Variants in PALLD observed in about 807,000 individuals in gnomAD.
PALLD encodes palladin.
PALLD carries 61 observed loss-of-function variants against 123.5 expected under a neutral mutation model. That is an observed-to-expected ratio of 0.49 (90% CI 0.40 to 0.61). PALLD has a LOEUF of 0.61. PALLD is among the 20% of genes least tolerant of loss of function. PALLD has a pLI of 0.00. For synonymous variants in PALLD, 465 were observed against 496.4 expected, an observed-to-expected ratio of 0.94 and a Z score of 0.84; for missense variants, 1,273 against 1,377.0, an observed-to-expected ratio of 0.92 and a Z score of 1.20.
At position 168,877,999 on chromosome 4, in the gene PALLD, G is replaced by A. The variant is rs2151116162; in HGVS notation, c.1965-12923G>A. The A allele has an allele frequency of 2.0e-6, 3 of 1,497,830 alleles. No homozygotes were observed. Among genetic ancestry groups the A allele is most frequent in the Middle Eastern group, 1.8e-4 (1 of 5,602 alleles). The allele number at this position is 1,497,830 out of a possible 1,614,324, so 92.8% of individuals were successfully genotyped here. A position where few individuals can be genotyped will look rare whatever the true frequency, so the allele number is the denominator to read the frequency against. On this transcript the variant is annotated intron_variant, in intron 10 of 21. Coordinates refer to ENST00000505667, the MANE Select transcript of PALLD (RefSeq NM_001166108.2). Reference sequence around the variant, plus strand: ...CCGCGCAGAACCTCGGGCCCGCGTCGGGCCACGGCACGCCGGCCTCCAGCC... The same window carrying A: ...CCGCGCAGAACCTCGGGCCCGCGTCAGGCCACGGCACGCCGGCCTCCAGCC...
At chr4:168,920,588 G>A (rs1582201038) in intron 17 of PALLD, among the ~76,000 whole-genome samples, 1 of 152,148 alleles carries the variant, frequency 6.6e-6, no homozygotes, top group East Asian at 1.9e-4. Context: ...GGCAGATGGC[G>A]ACCATCCTGA....
chr4:168,797,694 C>A (rs755819634), intron 10 of PALLD, among the ~76,000 whole-genome samples: 2 of 152,014 alleles, frequency 1.3e-5, no homozygotes, highest in African/African-American at 2.4e-5. Context: ...CATATGTTAC[C>A]TTGCAAGAAA....
intron 2 of PALLD, among the ~76,000 whole-genome samples, chr4:168,609,345 CAAAAAAA>C (rs5863949): frequency 5.6e-5 from 4 of 71,600 alleles, no homozygotes; most frequent in East Asian, 5.6e-4. Context: ...AAGCTGTTAC[CAAAAAAA>C]AAAAAAAAAA....
intron 2 of PALLD, among the ~76,000 whole-genome samples, chr4:168,522,039 C>T (rs10446840): frequency 0.084 from 12,814 of 152,158 alleles, 784 homozygotes; most frequent in Non-Finnish European, 0.12. Context: ...GAAGGTCAGC[C>T]GTACTGTGGA....
intron 10 of PALLD, among the ~76,000 whole-genome samples, chr4:168,754,753 CA>C (rs1457279280): frequency 6.6e-6 from 1 of 152,174 alleles, no homozygotes; most frequent in Non-Finnish European, 1.5e-5. Context: ...TACAGATGTT[CA>C]AAGAATGCCT....
intron 10 of PALLD, among the ~76,000 whole-genome samples, chr4:168,791,959 A>C (rs1443335512): frequency 6.6e-6 from 1 of 152,226 alleles, no homozygotes; most frequent in African/African-American, 2.4e-5. Context: ...AAGTTGTTTT[A>C]AAGGAGGAAC....
intron 2 of PALLD, among the ~76,000 whole-genome samples, chr4:168,538,857 C>A (rs1012848342): frequency 1.3e-5 from 2 of 152,192 alleles, no homozygotes; most frequent in Admixed American, 1.3e-4. Flanking sequence ...CTGTTACAGT[C>A]ATTGTGTCTT....
rs1207705957 is a variant in PALLD at position 168,918,979 on chromosome 4, G to GTAA, written c.2851-2553_2851-2551dup. On this transcript the variant is annotated intron_variant, in intron 17 of 21. Coordinates refer to ENST00000505667, the MANE Select transcript of PALLD (RefSeq NM_001166108.2). ...GAAATGCATACTGAGCTATATGGGG[G>GTAA]TAATGGTATATAAAATCTGGAATTT... Among the ~76,000 whole-genome samples, 10 of 152,148 alleles carry GTAA rather than the reference G, an allele frequency of 6.6e-5. No individual in the cohort carries two copies. The East Asian group carries it at 1.9e-3, about 29-fold the overall frequency.
At chr4:168,620,485 C>A in intron 2 of PALLD, among the ~76,000 whole-genome samples, 1 of 152,026 alleles carries the variant, frequency 6.6e-6, no homozygotes, top group East Asian at 1.9e-4. Flanking sequence ...CTTCATTGGG[C>A]AAAAAACCAG....
intron 2 of PALLD, among the ~76,000 whole-genome samples, chr4:168,536,333 T>G (rs1765082790): frequency 6.6e-6 from 1 of 152,166 alleles, no homozygotes; most frequent in African/African-American, 2.4e-5. Flanking sequence ...TCCCTCTGTT[T>G]AGGATAAAGG....
At chr4:168,847,646 G>A (rs765241747) in intron 10 of PALLD, among the ~76,000 whole-genome samples, 15 of 152,214 alleles carry the variant, frequency 9.9e-5, no homozygotes, top group Admixed American at 3.9e-4. Flanking sequence ...CTTTATTATC[G>A]TACTACTTTC....
chr4:168,832,227 A>T, intron 10 of PALLD: 1 of 962,500 alleles, frequency 1.0e-6, no homozygotes, highest in Non-Finnish European at 1.2e-6. Context: ...AATTAAAGGG[A>T]GTGCAGCGTG....
At chr4:168,562,268 A>C (rs946397522) in intron 2 of PALLD, among the ~76,000 whole-genome samples, 1 of 152,204 alleles carries the variant, frequency 6.6e-6, no homozygotes, top group African/African-American at 2.4e-5. Context: ...GGTGATTTAC[A>C]TATATTATTT....
rs528250780 is a variant in PALLD at position 168,633,315 on chromosome 4, G to A, written c.909-34875G>A. On this transcript the variant is annotated intron_variant, in intron 2 of 21. Coordinates refer to ENST00000505667, the MANE Select transcript of PALLD (RefSeq NM_001166108.2). ...ACATTTCCCCCCGCGGTTGTTATAGGGGTTACATGAAGATGTTATGAGCAT... is the reference window on the plus strand; with the variant it reads ...ACATTTCCCCCCGCGGTTGTTATAGAGGTTACATGAAGATGTTATGAGCAT... Among the ~76,000 whole-genome samples the A allele has an allele frequency of 6.6e-5, 10 of 152,254 alleles. No individual in the cohort carries two copies. In the East Asian group the frequency reaches 1.4e-3, roughly 21 times the overall value.
intron 13 of PALLD, 49 bp from the exon 14 acceptor site, chr4:168,898,444 C>T: frequency 2.5e-6 from 3 of 1,218,310 alleles, no homozygotes; most frequent in Non-Finnish European, 3.7e-6. Flanking sequence ...AGACGTGACA[C>T]TTTGTCAGAA....
At chr4:168,917,283 C>T (rs1449794375) in intron 17 of PALLD, among the ~76,000 whole-genome samples, 5 of 151,988 alleles carry the variant, frequency 3.3e-5, no homozygotes, top group Admixed American at 1.3e-4. Context: ...CTCCTGACCT[C>T]GTGATCCGCC....
At chr4:168,559,518 T>C (rs1157647341) in intron 2 of PALLD, among the ~76,000 whole-genome samples, 1 of 152,174 alleles carries the variant, frequency 6.6e-6, no homozygotes, top group Non-Finnish European at 1.5e-5. Context: ...ATAACATGTT[T>C]AAATATGCAC....
intron 2 of PALLD, among the ~76,000 whole-genome samples, chr4:168,624,024 G>T (rs1214818394): frequency 6.6e-6 from 1 of 151,932 alleles, no homozygotes; most frequent in Non-Finnish European, 1.5e-5. Context: ...TTTTTCAAGT[G>T]GTCAGGAAAC....
At chr4:168,562,272 A>T (rs1485421401) in intron 2 of PALLD, among the ~76,000 whole-genome samples, 1 of 152,180 alleles carries the variant, frequency 6.6e-6, no homozygotes, top group East Asian at 1.9e-4. Flanking sequence ...ATTTACATAT[A>T]TTATTTCTAA....
Sources: allele counts gnomAD v4.1 joint callset (sites outside exome capture counted in the v4.1 genomes callset), GRCh38; gene constraint gnomAD v4.1.1; transcripts MANE v1.5; gene names NCBI Gene and HGNC (gene_info 2026-07-23, HGNC 2026-07-21).